The following XRCC1 variants were observed in gnomAD, a reference collection of about 807,000 sequenced individuals.
XRCC1 encodes the protein X-ray repair cross complementing 1.
Under a neutral mutation model 83.3 loss-of-function variants are expected in XRCC1, and 52 were observed. The observed-to-expected ratio is 0.62, with a 90% CI of 0.50 to 0.79. XRCC1 has a LOEUF of 0.79. XRCC1 is among the 30% of genes least tolerant of loss of function. The pLI is 0.00. For synonymous variants in XRCC1, 281 were observed against 312.6 expected, an observed-to-expected ratio of 0.90 and a Z score of 1.07; for missense variants, 793 against 823.5, an observed-to-expected ratio of 0.96 and a Z score of 0.45.
At chr19:43,551,778 G>GACAA in intron 9 of XRCC1, 91 bp from the exon 10 acceptor site, 1 of 1,025,952 alleles carries the variant, frequency 9.7e-7, no homozygotes, top group Non-Finnish European at 1.5e-6. Context: ...GAGAGAGAGA[G>GACAA]ACAGACAGAC....
In XRCC1 at chr19:43,546,978, C is replaced by A. The variant is rs1972518944; in HGVS notation, c.1200-1G>T. On this transcript the variant is annotated splice_acceptor_variant, in intron 10 of 16. Coordinates refer to ENST00000262887, the MANE Select transcript of XRCC1 (RefSeq NM_006297.3). LOFTEE classifies it high-confidence loss of function. ...GGAACCTGGCCCTGCCATGAGGTAC[C>A]TAGGGGACAAATCGGGCCTCAGACA... 2 of 1,613,602 alleles carry A rather than the reference C, an allele frequency of 1.2e-6. No homozygotes were observed. The highest frequency in any genetic ancestry group is 1.7e-6 in the Non-Finnish European group (2 of 1,179,844).
intron 10 of XRCC1, among the ~76,000 whole-genome samples, chr19:43,548,779 A>AAAAAAAAAAAAACAAAAC (rs1213062759): frequency 7.1e-6 from 1 of 141,638 alleles, no homozygotes; most frequent in African/African-American, 2.6e-5. Context: ...AAAAAAAAAA[A>AAAAAAAAAAAAACAAAAC]AAAAAAACAC....
intron 10 of XRCC1, among the ~76,000 whole-genome samples, chr19:43,547,226 C>A (rs73554696): frequency 1.3e-5 from 2 of 151,462 alleles, no homozygotes; most frequent in Non-Finnish European, 2.9e-5. Flanking sequence ...TCCATTCCAT[C>A]GCCAGGCTGG....
rs1172352853 is a variant in XRCC1 at position 43,544,228 on chromosome 19, A to T, written c.1628T>A (p.Phe543Tyr). ...DLPVPELPDF[F>Y]QGKHFFLYGE... ...GTAAAGAAAGAAGTGCTTGCCCTGG[A>T]AGAAATCTGCAGGAGAGAAGGGGGC... Residue 543 changes from phenylalanine to tyrosine, a missense_variant, in exon 15 of 17, where the codon TTC becomes TAC. By Grantham distance (22) the Phe-to-Tyr change is conservative. Transcript: ENST00000262887. 1.2e-6 allele frequency: 2 copies of T among 1,608,358 alleles called. No individual in the cohort carries two copies. The highest frequency in any genetic ancestry group is 2.7e-5 in the African/African-American group (2 of 74,858).
chr19:43,574,791 A>G (rs1219271216), intron 2 of XRCC1, 119 bp downstream of exon 2: 2 of 770,950 alleles, frequency 2.6e-6, no homozygotes, highest in Non-Finnish European at 4.5e-6. Context: ...TTTTCCGAGT[A>G]AGGAAGCTGA....
In XRCC1 at chr19:43,552,965, A is replaced by C; in HGVS notation, c.711+17T>G. Reference sequence around the variant, plus strand: ...GCTTCTCTCCTCCTCCACCCCACCAAAGTCTGATGATTTCACCTTGGAGGT... The same window carrying C: ...GCTTCTCTCCTCCTCCACCCCACCACAGTCTGATGATTTCACCTTGGAGGT... On this transcript the variant is annotated intron_variant, in intron 7 of 16. Transcript: ENST00000262887. 1 of 1,607,340 alleles carries C rather than the reference A, an allele frequency of 6.2e-7. No individual in the cohort carries two copies. Among genetic ancestry groups the C allele is most frequent in the Non-Finnish European group, 8.5e-7 (1 of 1,177,240 alleles).
intron 10 of XRCC1, among the ~76,000 whole-genome samples, chr19:43,548,911 T>C (rs1201705489): frequency 2.0e-5 from 3 of 152,076 alleles, no homozygotes; most frequent in Non-Finnish European, 4.4e-5. Context: ...GTGAGGAGAC[T>C]AAGGCACAGA....
At chr19:43,543,997 T>G in intron 15 of XRCC1, 147 bp downstream of exon 15, 4 of 799,784 alleles carry the variant, frequency 5.0e-6, no homozygotes, top group Non-Finnish European at 7.9e-6. Flanking sequence ...AGCATTCGGA[T>G]TCCATGACCT....
At chr19:43,550,370 T>C (rs779538444) in intron 10 of XRCC1, among the ~76,000 whole-genome samples, 7 of 152,096 alleles carry the variant, frequency 4.6e-5, no homozygotes, top group Non-Finnish European at 7.4e-5. Context: ...GAAAAGAACT[T>C]TCAGCTTCTA....
At chr19:43,565,481 C>G (rs1972743147) in intron 2 of XRCC1, among the ~76,000 whole-genome samples, 2 of 152,256 alleles carry the variant, frequency 1.3e-5, no homozygotes, top group Non-Finnish European at 1.5e-5. Flanking sequence ...TTCTTTCCAT[C>G]CCTGAGTCAA....
rs574069452 is a variant in XRCC1 at position 43,544,247 on chromosome 19, A to AG, written c.1622-14dup. 1.2e-4 allele frequency: 186 copies of AG among 1,598,748 alleles called. 2 individuals carry two copies. In the South Asian group the frequency reaches 1.7e-3, roughly 14 times the overall value. ...CCCTGGAAGAAATCTGCAGGAGAGA[A>AG]GGGGGCTAAGGTAAGCATGAGGCCC... is the stretch of plus-strand genomic sequence containing the variant. On this transcript the variant is annotated splice_polypyrimidine_tract_variant and intron_variant, in intron 14 of 16. Coordinates refer to ENST00000262887, the MANE Select transcript of XRCC1 (RefSeq NM_006297.3).
Position 43,561,032 on chromosome 19 carries a change from G to C in XRCC1, c.145-12C>G, listed in dbSNP as rs1343841002. On this transcript the variant is annotated splice_polypyrimidine_tract_variant and intron_variant, in intron 2 of 16. Transcript: ENST00000262887. ...TCCTCCTTCTCCAACTGTGGGCAGA[G>C]AGAGAGGCCACTGTCAGTGCCTGCT... 8.7e-6 allele frequency: 14 copies of C among 1,606,166 alleles called. No individual in the cohort carries two copies. The highest frequency in any genetic ancestry group is 1.1e-5 in the Non-Finnish European group (13 of 1,172,934).
intron 2 of XRCC1, 144 bp downstream of exon 2, chr19:43,574,766 G>T: frequency 1.5e-6 from 1 of 665,850 alleles, no homozygotes; most frequent in South Asian, 1.7e-5. Context: ...AGGGGCACAG[G>T]GATTATGCTG....
chr19:43,548,766 C>CAAAAAAAAAAAAAAA lies in XRCC1; in HGVS notation c.1200-1804_1200-1790dup, dbSNP rs60740505. Among the ~76,000 whole-genome samples the CAAAAAAAAAAAAAAA allele has an allele frequency of 5.6e-3, 361 of 64,494 alleles. 20 individuals are homozygous for CAAAAAAAAAAAAAAA. Among genetic ancestry groups the CAAAAAAAAAAAAAAA allele is most frequent in the Middle Eastern group, 0.013 (1 of 80 alleles). The allele number at this position is 64,494 out of a possible 152,430, so 42.3% of individuals were successfully genotyped here. A position where few individuals can be genotyped will look rare whatever the true frequency, so the allele number is the denominator to read the frequency against. On this transcript the variant is annotated intron_variant, in intron 10 of 16. Coordinates refer to ENST00000262887, the MANE Select transcript of XRCC1 (RefSeq NM_006297.3). ...TCTGTGAGAAACACCCAAGAATGAT[C>CAAAAAAAAAAAAAAA]AAAAAAAAAAAAAAAAAAAACACAA...
chr19:43,548,739 CCT>C (rs1972544060), intron 10 of XRCC1, among the ~76,000 whole-genome samples: 1 of 124,074 alleles, frequency 8.1e-6, no homozygotes, highest in Non-Finnish European at 1.7e-5. Flanking sequence ...GCCAAATCCC[CCT>C]CTGTGAGAAA....
Position 43,553,640 on chromosome 19 carries a change from G to A in XRCC1, c.458C>T (p.Pro153Leu). The change falls in exon 5 of 17, where the codon CCA becomes CTA. Residue 153 changes from proline to leucine, a missense_variant. By Grantham distance (98) the Pro-to-Leu change is moderately conservative. Transcript: ENST00000262887. ...GLSFVRFHSP[P>L]DKDEAEAPSQ... Reference sequence around the variant, plus strand: ...CGGGGCCTCTGCCTCATCTTTGTCTGGGGGGCTATGAAACCGTACAAAACT... The same window carrying A: ...CGGGGCCTCTGCCTCATCTTTGTCTAGGGGGCTATGAAACCGTACAAAACT... 4 of 1,574,564 alleles carry A rather than the reference G, an allele frequency of 2.5e-6. No homozygotes were observed. Among genetic ancestry groups the A allele is most frequent in the Non-Finnish European group, 3.5e-6 (4 of 1,155,840 alleles).
intron 2 of XRCC1, among the ~76,000 whole-genome samples, chr19:43,566,062 C>G (rs188062380): frequency 1.2e-4 from 18 of 152,158 alleles, no homozygotes; most frequent in Admixed American, 7.2e-4. Context: ...ATGGTGAAAC[C>G]CTGTCTCTAC....
intron 3 of XRCC1, among the ~76,000 whole-genome samples, chr19:43,560,274 T>C (rs1972683971): frequency 6.6e-6 from 1 of 151,262 alleles, no homozygotes; most frequent in South Asian, 2.1e-4. Context: ...TGGGCACCTG[T>C]AGTCCCAGCA....
chr19:43,547,099 C>A, intron 10 of XRCC1, 122 bp from the exon 11 acceptor site: 1 of 938,148 alleles, frequency 1.1e-6, no homozygotes, highest in African/African-American at 1.6e-5. Flanking sequence ...GTCTTGTTCC[C>A]AGCCCATTCT....
Sources: gnomAD v4.1 joint callset for allele counts (sites outside exome capture counted in the v4.1 genomes callset) on GRCh38, gnomAD v4.1.1 for gene constraint, MANE v1.5 for transcripts, NCBI Gene and HGNC (gene_info 2026-07-23, HGNC 2026-07-21) for gene names.